ESPN: variants seen among roughly 807,000 people sequenced by gnomAD.
The protein encoded by ESPN is espin, also known as autosomal recessive deafness type 36 protein.
Under a neutral mutation model 77.7 loss-of-function variants are expected in ESPN, and 68 were observed. The observed-to-expected ratio is 0.87, with a 90% CI of 0.72 to 1.07. The LOEUF (loss-of-function observed/expected upper bound fraction) is 1.07, where lower values mean the gene tolerates loss of function less well. ESPN is among the 50% of genes least tolerant of loss of function. The probability of loss-of-function intolerance (pLI) is 0.00; values close to 1 mark genes in which losing one functional copy is unlikely to be tolerated. For synonymous variants in ESPN, 449 were observed against 567.1 expected (o/e 0.79, Z 2.96); for missense variants, 1,060 against 1,239.0 (o/e 0.86, Z 2.17).
At chr1:6,425,689 C>T (rs1372069094) in intron 1 of ESPN, among the ~76,000 whole-genome samples, 1 of 152,234 alleles carries the variant, frequency 6.6e-6, no homozygotes, top group African/African-American at 2.4e-5. Context: ...GTGTCCCAGC[C>T]AGGGTGTGGG....
rs55728127 is a variant in ESPN, at chr1:6,460,839, G to A, written c.*693G>A. 5 of 268,166 alleles carry A rather than the reference G, an allele frequency of 1.9e-5. No homozygotes were observed. Among genetic ancestry groups the A allele is most frequent in the Non-Finnish European group, 2.9e-5 (4 of 136,256 alleles). The allele number at this position is 268,166 out of a possible 1,614,324, so 16.6% of individuals were successfully genotyped here. On this transcript the variant is annotated 3_prime_UTR_variant, in exon 13 of 13. Transcript: ENST00000645284. ...TGCCCCGGTGGAGTGAATAGAGGAT[G>A]AGGGGCCCTGACCCTGTGTCTCCAA...
At chr1:6,455,325 G>A (rs1039584620) in intron 10 of ESPN, 5 of 385,822 alleles carry the variant, frequency 1.3e-5, no homozygotes, top group African/African-American at 4.2e-5. Flanking sequence ...GGCCTGCCGC[G>A]GACCAGGCCG....
At chr1:6,432,563 G>T (rs921111563) in intron 2 of ESPN, among the ~76,000 whole-genome samples, 1 of 152,234 alleles carries the variant, frequency 6.6e-6, no homozygotes, top group Non-Finnish European at 1.5e-5. Flanking sequence ...ACCGGGGCTA[G>T]TGCCCCTGCC....
In ESPN at chr1:6,457,215, T is replaced by C. The variant is rs1487314413; in HGVS notation, c.2357T>C (p.Met786Thr). ...GAGGAGGAGGCCCGGCTGGCCAGCA[T>C]GCCCGCCTGGAGGCGGGACCTCCTG... ...EEEEEARLAS[M>T]PAWRRDLLRK... The change falls in exon 11 of 13, where the codon ATG (methionine) becomes ACG (threonine). Residue 786 changes from methionine to threonine, a missense_variant. Around this residue, in one of 3 missense-constraint regions of ESPN, gnomAD observed 374 missense variants for 381.4 expected, o/e 0.98. Coordinates refer to ENST00000645284, the MANE Select transcript of ESPN (RefSeq NM_031475.3). 1 of 1,611,998 alleles carries C rather than the reference T, an allele frequency of 6.2e-7. No individual in the cohort carries two copies. Among genetic ancestry groups the C allele is most frequent in the Non-Finnish European group, 8.5e-7 (1 of 1,179,026 alleles).
chr1:6,430,811 T>C (rs1046371886), intron 2 of ESPN, among the ~76,000 whole-genome samples: 2 of 150,098 alleles, frequency 1.3e-5, no homozygotes, highest in African/African-American at 2.4e-5. Context: ...CATCTCTCAG[T>C]TGGGAGGCAT....
intron 7 of ESPN, chr1:6,448,096 G>C (rs944248903): frequency 6.6e-6 from 1 of 152,358 alleles, no homozygotes; most frequent in Non-Finnish European, 1.5e-5. Context: ...GTGCACAGCG[G>C]GGGCCACCAG....
Position 6,451,796 on chromosome 1 carries a change from G to A in ESPN, c.2062-37G>A, listed in dbSNP as rs775364951. ...TGCGACCCGGCTTCCCTGGCCCTAG[G>A]CCACCGGGCGCTCAGCCCCACCGCT... On this transcript the variant is annotated intron_variant, in intron 9 of 12. Coordinates refer to ENST00000645284, the MANE Select transcript of ESPN (RefSeq NM_031475.3). This position sits in a 1 kb window ranked among gnomAD's most constrained non-coding sequence, Gnocchi z 4.3. 3.5e-5 allele frequency: 56 copies of A among 1,609,768 alleles called. No individual in the cohort carries two copies. The highest frequency in any genetic ancestry group is 4.8e-5 in the Non-Finnish European group (56 of 1,178,940).
rs1643097017 is a variant in ESPN, at chr1:6,427,881, G to A, written c.295-345G>A. Among the ~76,000 whole-genome samples the A allele has an allele frequency of 6.6e-6, 1 of 152,220 alleles. No individual in the cohort carries two copies. Among genetic ancestry groups the A allele is most frequent in the Admixed American group, 6.5e-5 (1 of 15,294 alleles). On this transcript the variant is annotated intron_variant, in intron 1 of 12. Coordinates refer to ENST00000645284, the MANE Select transcript of ESPN (RefSeq NM_031475.3). This position sits in a 1 kb window ranked among gnomAD's most constrained non-coding sequence, Gnocchi z 4.6. ...GCATTCCCTGAGTCCCTGGGAGTCA[G>A]GGCTGTGGCCCTGGGCCTGGTGCCA...
rs139845610 is a variant in ESPN, at chr1:6,447,763, T to C, written c.1465-878T>C. Among the ~76,000 whole-genome samples, 1,037 of 151,870 alleles carry C rather than the reference T, an allele frequency of 6.8e-3. 4 individuals carry two copies. The highest frequency in any genetic ancestry group is 0.014 in the Middle Eastern group (4 of 294). On this transcript the variant is annotated intron_variant, in intron 7 of 12. Transcript: ENST00000645284. The surrounding 1 kb of genome is among the most constrained non-coding windows in gnomAD (Gnocchi z 5.2). ...GCGACCCGGAGCCGGGGGCCAAATA[T>C]GAGAGGCCTCCTCTGCCCACAGTCA...
chr1:6,443,668 G>A (rs1643725657), intron 5 of ESPN, among the ~76,000 whole-genome samples: 1 of 152,230 alleles, frequency 6.6e-6, no homozygotes, highest in South Asian at 2.1e-4. Flanking sequence ...CTCCCACAGA[G>A]CCCCTAATTA....
intron 10 of ESPN, chr1:6,456,814 A>C (rs191642412): frequency 2.6e-4 from 95 of 372,276 alleles, no homozygotes; most frequent in African/African-American, 1.2e-3. Context: ...AGTCTCCCTG[A>C]GCCAAGAGGC....
rs1442148648 is a variant in ESPN at position 6,427,355 on chromosome 1, G to A, written c.295-871G>A. On this transcript the variant is annotated intron_variant, in intron 1 of 12. Coordinates refer to ENST00000645284, the MANE Select transcript of ESPN (RefSeq NM_031475.3). This position sits in a 1 kb window ranked among gnomAD's most constrained non-coding sequence, Gnocchi z 4.6. ...GATGTTCCCGGGAATTCTCCTCCCAGCACAGGTCCTGTAAGCACTCCCCTC... is the reference window on the plus strand; with the variant it reads ...GATGTTCCCGGGAATTCTCCTCCCAACACAGGTCCTGTAAGCACTCCCCTC... Among the ~76,000 whole-genome samples the A allele has an allele frequency of 4.6e-5, 7 of 152,124 alleles. No homozygotes were observed. Among genetic ancestry groups the A allele is most frequent in the Admixed American group, 4.6e-4 (7 of 15,264 alleles).
chr1:6,443,147 G>C (rs1440991194), intron 5 of ESPN: 1 of 151,292 alleles, frequency 6.6e-6, no homozygotes, highest in Non-Finnish European at 1.5e-5. Context: ...ACTCCAGCCT[G>C]GGCGACAAGA....
chr1:6,444,925 G>T (rs577654403), intron 6 of ESPN, among the ~76,000 whole-genome samples: 1 of 152,120 alleles, frequency 6.6e-6, no homozygotes, highest in Non-Finnish European at 1.5e-5. Flanking sequence ...CAAAGTCCAC[G>T]TGTGTCGCCC....
intron 2 of ESPN, among the ~76,000 whole-genome samples, chr1:6,438,187 G>C (rs1022828265): frequency 6.6e-6 from 1 of 152,208 alleles, no homozygotes; most frequent in Admixed American, 6.5e-5. Flanking sequence ...TCTGGGGATA[G>C]ATTGTGGCTC....
chr1:6,461,202 A>C (rs1213247906), downstream of ESPN: 1 of 724,134 alleles, frequency 1.4e-6, no homozygotes, highest in East Asian at 2.7e-5. This position sits in a 1 kb window ranked among gnomAD's most constrained non-coding sequence, Gnocchi z 6.3. Context: ...GATCTCAGCC[A>C]AACTCCGGCC....
Position 6,460,221 on chromosome 1 carries a change from G to A in ESPN, c.*75G>A. 6.4e-7 allele frequency: 1 copy of A among 1,566,250 alleles called. No individual in the cohort carries two copies. The highest frequency in any genetic ancestry group is 1.2e-5 in the South Asian group (1 of 85,700). On this transcript the variant is annotated 3_prime_UTR_variant, in exon 13 of 13. Coordinates refer to ENST00000645284, the MANE Select transcript of ESPN (RefSeq NM_031475.3). ...CCCAGCCCCAGCCAGCCAGGCCCTGGTGGAAAGGCTGGGAGCCGCACAGCC... is the reference window on the plus strand; with the variant it reads ...CCCAGCCCCAGCCAGCCAGGCCCTGATGGAAAGGCTGGGAGCCGCACAGCC...
At chr1:6,435,953 A>G (rs983153851) in intron 2 of ESPN, among the ~76,000 whole-genome samples, 1 of 152,248 alleles carries the variant, frequency 6.6e-6, no homozygotes, top group African/African-American at 2.4e-5. Flanking sequence ...CAAAGAGACA[A>G]GAAGCAAGAC....
chr1:6,441,998 G>T lies in ESPN; in HGVS notation c.990+933G>T, dbSNP rs529417166. 4.9e-4 allele frequency among the ~76,000 whole-genome samples: 74 copies of T among 152,332 alleles called. 1 individual carries two copies. The highest frequency in any genetic ancestry group is 4.7e-3 in the Admixed American group (72 of 15,306). On this transcript the variant is annotated intron_variant, in intron 5 of 12. Coordinates refer to ENST00000645284, the MANE Select transcript of ESPN (RefSeq NM_031475.3). ...TCTCTGGAAGAGAATGAATGGCCCA[G>T]CAGGTAGTGAGCACTCTGTCACTAG...
Sources: allele counts gnomAD v4.1 joint callset (sites outside exome capture counted in the v4.1 genomes callset), GRCh38; gene constraint gnomAD v4.1.1; regional missense constraint gnomAD v4.1.1; non-coding constraint Gnocchi (gnomAD v3.1); transcripts MANE v1.5; gene names NCBI Gene and HGNC (gene_info 2026-07-23, HGNC 2026-07-21).